Variants in TAF5L observed in about 807,000 individuals in gnomAD.
TAF5L encodes TATA-box binding protein associated factor 5 like.
A neutral mutation model predicts 51.3 loss-of-function variants in TAF5L; 7 were observed. The ratio of observed to expected loss-of-function variants is 0.14; its 90% confidence interval spans 0.08 to 0.26. The LOEUF is 0.26. Among genes scored for constraint, TAF5L ranks in the 10% least tolerant of loss-of-function variants. The pLI is 1.00. For synonymous variants in TAF5L, 291 were observed against 308.1 expected (o/e 0.94, Z 0.58); for missense variants, 575 against 758.9 (o/e 0.76, Z 2.85).
At position 229,625,130 on chromosome 1, in the gene TAF5L, T is replaced by C. The variant is rs567768422; in HGVS notation, c.-4+755A>G. Among the ~76,000 whole-genome samples the C allele has an allele frequency of 2.0e-5, 3 of 152,326 alleles. No individual in the cohort carries two copies. In the South Asian group the frequency reaches 6.2e-4, roughly 32 times the overall value. On this transcript the variant is annotated intron_variant, in intron 1 of 4. Coordinates refer to ENST00000258281, the Ensembl canonical transcript of TAF5L. This position sits in a 1 kb window ranked among gnomAD's most constrained non-coding sequence, Gnocchi z 4.0. ...TTTCACAACTGATGGGAGAACTGCATGTAGCGTTCCTGCACTCCACTTCCG... is the reference window on the plus strand; with the variant it reads ...TTTCACAACTGATGGGAGAACTGCACGTAGCGTTCCTGCACTCCACTTCCG...
intron 4 of TAF5L, chr1:229,601,741 T>C (rs1664382643): frequency 9.9e-7 from 1 of 1,009,868 alleles, no homozygotes; most frequent in Non-Finnish European, 1.2e-6. Flanking sequence ...TTCTTACTAC[T>C]GTTGCTGAGA....
chr1:229,622,174 C>T (rs1033210213), intron 1 of TAF5L, among the ~76,000 whole-genome samples: 1 of 151,966 alleles, frequency 6.6e-6, no homozygotes, highest in Admixed American at 6.6e-5. Context: ...CCACCCCCAT[C>T]AGGAAGAATG....
intron 1 of TAF5L, among the ~76,000 whole-genome samples, chr1:229,615,174 G>A (rs575196171): frequency 1.3e-5 from 2 of 152,054 alleles, no homozygotes; most frequent in African/African-American, 2.4e-5. Flanking sequence ...TGCAAGCTCT[G>A]CCTCCTGGGT....
In TAF5L at chr1:229,606,562, C is replaced by T. The variant is rs192734403; in HGVS notation, c.247+3544G>A. The stretch of plus-strand genomic sequence containing the variant: ...TCCTCTACCTTTCTTCAAGGTTTGG[C>T]TCTATTGACTAGCACTCCTCTGTCC... On this transcript the variant is annotated intron_variant, in intron 3 of 4. Coordinates refer to ENST00000258281, the Ensembl canonical transcript of TAF5L. 3.7e-5 allele frequency: 36 copies of T among 985,406 alleles called. No individual in the cohort carries two copies. The East Asian group carries it at 2.7e-3, about 75-fold the overall frequency. The allele number at this position is 985,406 out of a possible 1,614,324, so 61.0% of individuals were successfully genotyped here. A position where few individuals can be genotyped will look rare whatever the true frequency, so the allele number is the denominator to read the frequency against.
At chr1:229,601,044 T>TA in intron 4 of TAF5L, 1 of 982,892 alleles carries the variant, frequency 1.0e-6, no homozygotes, top group Non-Finnish European at 1.2e-6. Context: ...ACAAATGTAA[T>TA]AAAAAATATT....
In TAF5L at chr1:229,605,088, C is replaced by T. The variant is rs111278449; in HGVS notation, c.248-2169G>A. ...GAGTAGCTACAGGCGTGTGACACCACGCTCAGCTAATTTTTGTATGTATAT... is the reference window on the plus strand; with the variant it reads ...GAGTAGCTACAGGCGTGTGACACCATGCTCAGCTAATTTTTGTATGTATAT... On this transcript the variant is annotated intron_variant, in intron 3 of 4. Coordinates refer to ENST00000258281, the Ensembl canonical transcript of TAF5L. 8.0e-3 allele frequency among the ~76,000 whole-genome samples: 1,196 copies of T among 149,546 alleles called. 22 individuals are homozygous for T. The highest frequency in any genetic ancestry group is 0.029 in the African/African-American group (1,147 of 39,882).
Position 229,602,721 on chromosome 1 carries a change from A to G in TAF5L, c.446T>C (p.Ile149Thr). The change falls in exon 4 of 5, where the codon ATC (isoleucine) becomes ACC (threonine). Residue 149 changes from isoleucine to threonine, a missense_variant. Physicochemically the swap from Ile to Thr is moderately conservative, Grantham distance 89. Transcript: ENST00000258281. The surrounding 1 kb of genome is among the most constrained non-coding windows in gnomAD (Gnocchi z 4.6). ...TGCTCGAAGCTTGAAGTTAGATAGGATGTCCTGGATGGTTTGAGTGGTCTG... is the reference window on the plus strand; with the variant it reads ...TGCTCGAAGCTTGAAGTTAGATAGGGTGTCCTGGATGGTTTGAGTGGTCTG... 1 of 1,614,030 alleles carries G rather than the reference A, an allele frequency of 6.2e-7. No homozygotes were observed. Among genetic ancestry groups the G allele is most frequent in the African/African-American group, 1.3e-5 (1 of 74,990 alleles).
At chr1:229,601,740 C>T (rs1664382477) in intron 4 of TAF5L, 7 of 1,008,312 alleles carry the variant, frequency 6.9e-6, no homozygotes, top group Non-Finnish European at 8.3e-6. Flanking sequence ...ATTCTTACTA[C>T]TGTTGCTGAG....
chr1:229,595,005 G>A (rs1428020378), exon 5 of TAF5L: 9 of 1,614,204 alleles, frequency 5.6e-6, no homozygotes, highest in Non-Finnish European at 7.6e-6. Flanking sequence ...GCAACCCTGA[G>A]CTGTCCGCGA....
rs1314843853 is a variant in TAF5L, at chr1:229,594,735, G to C, written c.1332C>G (p.Gly444=). ...ACAGCCGGACGGTCTTGTCGGTTGA[G>C]CCCGTGGCCAAGTAGTTTGAATTAG... The change falls in exon 5 of 5, where the codon GGC becomes GGG. Residue 444 remains glycine, a synonymous_variant. Coordinates refer to ENST00000258281, the Ensembl canonical transcript of TAF5L. This position sits in a 1 kb window ranked among gnomAD's most constrained non-coding sequence, Gnocchi z 7.9. 6.2e-7 allele frequency: 1 copy of C among 1,614,094 alleles called. No individual in the cohort carries two copies. The highest frequency in any genetic ancestry group is 1.3e-5 in the African/African-American group (1 of 74,936).
At chr1:229,614,869 T>C (rs1664918346) in intron 1 of TAF5L, among the ~76,000 whole-genome samples, 1 of 152,122 alleles carries the variant, frequency 6.6e-6, no homozygotes, top group South Asian at 2.1e-4. Flanking sequence ...CTGCCTACTC[T>C]GTGAGAGAGG....
At position 229,625,826 on chromosome 1, in the gene TAF5L, G is replaced by A. The variant is rs1210580022; in HGVS notation, c.-4+59C>T. 2 of 75,406 alleles carry A rather than the reference G, an allele frequency of 2.7e-5. No homozygotes were observed. Among genetic ancestry groups the A allele is most frequent in the Non-Finnish European group, 5.1e-5 (2 of 39,512 alleles). 4.7% of individuals were successfully genotyped at this position (75,406 alleles called of 1,614,324 possible). A position where few individuals can be genotyped will look rare whatever the true frequency, so the allele number is the denominator to read the frequency against. On this transcript the variant is annotated intron_variant, in intron 1 of 4. Coordinates refer to ENST00000258281, the Ensembl canonical transcript of TAF5L. This position sits in a 1 kb window ranked among gnomAD's most constrained non-coding sequence, Gnocchi z 4.0. Reference sequence around the variant, plus strand: ...CCACCGCCCCGGCCCCCGCCCGCCCGCGCGCGCGCGCGCCTCGCGACCCTC... The same window carrying A: ...CCACCGCCCCGGCCCCCGCCCGCCCACGCGCGCGCGCGCCTCGCGACCCTC...
exon 5 of TAF5L, chr1:229,593,433 T>C (rs1012765369): frequency 1.3e-5 from 2 of 152,156 alleles, no homozygotes; most frequent in Non-Finnish European, 2.9e-5. Context: ...TTTATCATAA[T>C]CTTTCTTTTG....
At chr1:229,624,222 T>C (rs1665331860) in intron 1 of TAF5L, among the ~76,000 whole-genome samples, 1 of 152,196 alleles carries the variant, frequency 6.6e-6, no homozygotes, top group African/African-American at 2.4e-5. Flanking sequence ...TGACAGAAGC[T>C]CACATAAGCC....
intron 2 of TAF5L, 47 bp from the exon 3 acceptor site, chr1:229,610,257 A>G: frequency 6.3e-7 from 1 of 1,574,910 alleles, no homozygotes; most frequent in Non-Finnish European, 8.7e-7. Context: ...CAGAGAGACG[A>G]TTATTAACCC....
intron 1 of TAF5L, among the ~76,000 whole-genome samples, chr1:229,621,261 C>T (rs894272143): frequency 6.6e-6 from 1 of 152,208 alleles, no homozygotes; most frequent in African/African-American, 2.4e-5. Flanking sequence ...AATGCATCAG[C>T]ATCTTGGCTT....
In TAF5L at chr1:229,594,917, C is replaced by T; in HGVS notation, c.1150G>A (p.Ala384Thr). The change falls in exon 5 of 5, where the codon GCC (alanine) becomes ACC (threonine). Residue 384 changes from alanine (A) to threonine (T), a missense_variant. This residue lies in a region of TAF5L where 104 missense variants were observed against 218.3 expected (regional missense o/e 0.48). Coordinates refer to ENST00000258281, the Ensembl canonical transcript of TAF5L. The surrounding 1 kb of genome is among the most constrained non-coding windows in gnomAD (Gnocchi z 7.9). ...ATGTCCAGATCCCACACAGGATAGG[C>T]ATGTCCTTGGTACAACACAGTGTTG... 6.2e-7 allele frequency: 1 copy of T among 1,614,196 alleles called. No individual in the cohort carries two copies. Among genetic ancestry groups the T allele is most frequent in the Non-Finnish European group, 8.5e-7 (1 of 1,180,042 alleles).
intron 3 of TAF5L, among the ~76,000 whole-genome samples, chr1:229,603,223 G>A (rs945337442): frequency 6.6e-6 from 1 of 152,098 alleles, no homozygotes; most frequent in Admixed American, 6.5e-5. Flanking sequence ...CTTGTACCCA[G>A]GTCTTCAAGA....
At chr1:229,614,200 A>T in intron 2 of TAF5L, 141 bp downstream of exon 2, 1 of 1,375,352 alleles carries the variant, frequency 7.3e-7, no homozygotes, top group Non-Finnish European at 1.0e-6. Flanking sequence ...AACATCATTC[A>T]CTTAACGTAG....
Sources: gnomAD v4.1 joint callset for allele counts (sites outside exome capture counted in the v4.1 genomes callset) on GRCh38, gnomAD v4.1.1 for gene constraint, gnomAD v4.1.1 regional missense constraint, Gnocchi (gnomAD v3.1) non-coding constraint, MANE v1.5 for transcripts, NCBI Gene and HGNC (gene_info 2026-07-23, HGNC 2026-07-21) for gene names.